The following ICE1 variants were observed in gnomAD, a reference collection of about 807,000 sequenced individuals.
The protein encoded by ICE1 is little elongation complex subunit 1.
A neutral mutation model predicts 192.7 loss-of-function variants in ICE1; 64 were observed. That is an observed-to-expected ratio of 0.33 (90% CI 0.27 to 0.41). The LOEUF is 0.41. Ranked by LOEUF, ICE1 falls within the 10% of genes least tolerant of loss-of-function variation. The probability of loss-of-function intolerance (pLI) is 1.00; values close to 1 mark genes in which losing one functional copy is unlikely to be tolerated. For synonymous variants in ICE1, 1,010 were observed against 984.5 expected (o/e 1.03, Z -0.49); for missense variants, 2,708 against 2,696.0 (o/e 1.00, Z -0.10).
intron 12 of ICE1, among the ~76,000 whole-genome samples, chr5:5,459,811 G>A (rs1561086903): frequency 6.6e-6 from 1 of 152,198 alleles, no homozygotes; most frequent in African/African-American, 2.4e-5. Context: ...CTCAAGAGGA[G>A]ACGAGTTGGG....
At position 5,461,764 on chromosome 5, in the gene ICE1, A is replaced by T; in HGVS notation, c.2430A>T (p.Glu810Asp). The T allele has an allele frequency of 6.2e-7, 1 of 1,613,932 alleles. No individual in the cohort carries two copies. The highest frequency in any genetic ancestry group is 1.1e-5 in the South Asian group (1 of 91,062). ...AAGAAAGTCTGAGAGCCAAATCAGAACATGAACAGAAGACTAGCCATCAGT... is the reference window on the plus strand; with the variant it reads ...AAGAAAGTCTGAGAGCCAAATCAGATCATGAACAGAAGACTAGCCATCAGT... ...GGEESLRAKS[E>D]HEQKTSHQLQ... The change falls in exon 13 of 19, where the codon GAA becomes GAT. Residue 810 changes from glutamate to aspartate, a missense_variant. Coordinates refer to ENST00000296564, the MANE Select transcript of ICE1 (RefSeq NM_015325.3).
At chr5:5,473,072 A>G (rs956050000) in intron 15 of ICE1, among the ~76,000 whole-genome samples, 4 of 152,256 alleles carry the variant, frequency 2.6e-5, no homozygotes, top group African/African-American at 9.6e-5. Flanking sequence ...ATGCAACACT[A>G]TGGATAAATA....
chr5:5,433,590 A>G (rs1256009707), intron 1 of ICE1, among the ~76,000 whole-genome samples: 1 of 152,212 alleles, frequency 6.6e-6, no homozygotes, highest in Non-Finnish European at 1.5e-5. Context: ...AGGGAGGGAA[A>G]TAAAAGCAAA....
At chr5:5,438,918 C>G (rs1314567371) in intron 3 of ICE1, among the ~76,000 whole-genome samples, 6 of 152,292 alleles carry the variant, frequency 3.9e-5, no homozygotes, top group Admixed American at 2.6e-4. Flanking sequence ...TGTTGTACCT[C>G]AAATATGCAG....
At chr5:5,436,271 T>C (rs530599390) in intron 1 of ICE1, 147 bp from the exon 2 acceptor site, 2 of 472,948 alleles carry the variant, frequency 4.2e-6, no homozygotes, top group Non-Finnish European at 7.4e-6. Context: ...TAGGCTCAGA[T>C]TGTGCTCTAC....
At chr5:5,425,239 C>G (rs570199334) in intron 1 of ICE1, among the ~76,000 whole-genome samples, 2 of 152,284 alleles carry the variant, frequency 1.3e-5, no homozygotes, top group African/African-American at 2.4e-5. Context: ...CTCCTTCCTT[C>G]TACCCTTGCC....
chr5:5,428,002 G>A (rs1737575882), intron 1 of ICE1, among the ~76,000 whole-genome samples: 1 of 152,210 alleles, frequency 6.6e-6, no homozygotes, highest in Non-Finnish European at 1.5e-5. Flanking sequence ...TCTGAAAGAT[G>A]ATTTGCAGTT....
At chr5:5,485,939 C>T (rs543102983) in intron 17 of ICE1, among the ~76,000 whole-genome samples, 4 of 152,270 alleles carry the variant, frequency 2.6e-5, no homozygotes, top group South Asian at 4.1e-4. Context: ...AAAAAATCTG[C>T]GTTGTTCCAG....
chr5:5,461,977 T>C lies in ICE1; in HGVS notation c.2643T>C (p.His881=), dbSNP rs761008117. The part of the protein sequence containing the change: ...QSAKLEHLRP[H]RVEPTLVTEN... ...CCAAATTGGAACACTTGAGGCCACA[T>C]AGGGTTGAGCCTACCTTAGTAACAG... Residue 881 remains histidine, a synonymous_variant, in exon 13 of 19, where the codon CAT becomes CAC. Transcript: ENST00000296564. 2.1e-5 allele frequency: 34 copies of C among 1,613,822 alleles called. No homozygotes were observed. Among genetic ancestry groups the C allele is most frequent in the Admixed American group, 3.3e-5 (2 of 60,014 alleles).
intron 12 of ICE1, among the ~76,000 whole-genome samples, chr5:5,458,835 C>A (rs1448584998): frequency 7.2e-5 from 11 of 152,142 alleles, no homozygotes; most frequent in Admixed American, 7.2e-4. Context: ...GACAAGACCA[C>A]AGGCAGGGTA....
Position 5,476,042 on chromosome 5 carries a change from T to A in ICE1, c.6483T>A (p.Thr2161=), listed in dbSNP as rs755238056. 6 of 1,609,714 alleles carry A rather than the reference T, an allele frequency of 3.7e-6. No homozygotes were observed. The South Asian group carries it at 5.5e-5, about 15-fold the overall frequency. ...AAGGACATGCAAACATTGCGTATAC[T>A]CCTGATATTATTATAGCCTCAATAC... ...YRKGHANIAY[T]PDIIIASILR... Residue 2161 remains threonine (T), a synonymous_variant, in exon 17 of 19, where the codon ACT becomes ACA. Coordinates refer to ENST00000296564, the MANE Select transcript of ICE1 (RefSeq NM_015325.3).
intron 17 of ICE1, among the ~76,000 whole-genome samples, chr5:5,484,939 G>A (rs1468988021): frequency 6.6e-6 from 1 of 152,120 alleles, no homozygotes; most frequent in Non-Finnish European, 1.5e-5. Context: ...AAGAAGATGA[G>A]GATTTGCCTG....
chr5:5,452,821 T>A (rs1201452877), intron 10 of ICE1, among the ~76,000 whole-genome samples: 1 of 152,060 alleles, frequency 6.6e-6, no homozygotes, highest in African/African-American at 2.4e-5. Context: ...GAAAATAAAT[T>A]AAATAAATAA....
chr5:5,423,039 CG>C, intron 1 of ICE1, 40 bp downstream of exon 1: 1 of 1,288,848 alleles, frequency 7.8e-7, no homozygotes, highest in Non-Finnish European at 9.9e-7. Context: ...GGGGGGGACT[CG>C]GCTCGGCCGG....
rs1389281634 is a variant in ICE1 at position 5,463,454 on chromosome 5, T to C, written c.4120T>C (p.Ser1374Pro). 3 of 1,612,926 alleles carry C rather than the reference T, an allele frequency of 1.9e-6. No homozygotes were observed. The highest frequency in any genetic ancestry group is 1.7e-6 in the Non-Finnish European group (2 of 1,179,398). ...ACCTGTGGAGCCATCAGCCTTGTGC[T>C]CTGACTCTGTGATGGAGCCATCCAT... The part of the protein sequence containing the change: ...PEPVEPSALC[S>P]DSVMEPSIEQ... The change falls in exon 13 of 19, where the codon TCT becomes CCT. Residue 1374 changes from serine to proline, a missense_variant. This residue lies in a region of ICE1 where 2,366 missense variants were observed against 2,276.6 expected (regional missense o/e 1.04). Coordinates refer to ENST00000296564, the MANE Select transcript of ICE1 (RefSeq NM_015325.3).
At chr5:5,465,760 C>T (rs146519284) in intron 13 of ICE1, among the ~76,000 whole-genome samples, 8 of 152,272 alleles carry the variant, frequency 5.3e-5, no homozygotes, top group African/African-American at 1.7e-4. Flanking sequence ...TCTGCAGACA[C>T]TTGGAGTCAT....
Position 5,422,890 on chromosome 5 carries a change from T to TGCCC in ICE1, c.-25_-22dup. The TGCCC allele has an allele frequency of 7.4e-7, 1 of 1,356,240 alleles. No individual in the cohort carries two copies. Among genetic ancestry groups the TGCCC allele is most frequent in the Admixed American group, 3.2e-5 (1 of 30,874 alleles). 84.0% of individuals were successfully genotyped at this position (1,356,240 alleles called of 1,614,324 possible). A position where few individuals can be genotyped will look rare whatever the true frequency, so the allele number is the denominator to read the frequency against. ...ACGCCGCGGGCCCCTGAGGCGTGCG[T>TGCCC]GCCCACCGGGCCCGGCGGCGGCACC... is the stretch of plus-strand genomic sequence containing the variant. On this transcript the variant is annotated 5_prime_UTR_variant, in exon 1 of 19. Transcript: ENST00000296564.
chr5:5,457,480 A>G lies in ICE1; in HGVS notation c.840A>G (p.Gln280=). The G allele has an allele frequency of 2.5e-6, 4 of 1,613,992 alleles. No individual in the cohort carries two copies. The highest frequency in any genetic ancestry group is 1.7e-6 in the Non-Finnish European group (2 of 1,179,884). Residue 280 remains glutamine (Q), a synonymous_variant, in exon 12 of 19, where the codon CAA becomes CAG. Coordinates refer to ENST00000296564, the MANE Select transcript of ICE1 (RefSeq NM_015325.3). ...AGATAAAGGAGGACTTTTTATGTCA[A>G]AATGTGGAAAAACAGAGCTCCAGTG... is the stretch of plus-strand genomic sequence containing the variant. ...SMEIKEDFLC[Q]NVEKQSSSGT...
In ICE1 at chr5:5,441,146, A is replaced by G. The variant is rs766514976; in HGVS notation, c.232A>G (p.Met78Val). The G allele has an allele frequency of 1.3e-6, 2 of 1,562,034 alleles. No individual in the cohort carries two copies. The highest frequency in any genetic ancestry group is 1.7e-6 in the Non-Finnish European group (2 of 1,151,470). The change falls in exon 5 of 19, where the codon ATG (methionine) becomes GTG (valine). Residue 78 changes from methionine (M) to valine (V), a missense_variant. Met to Val is a conservative substitution (Grantham distance 21). Around this residue, in one of 2 missense-constraint regions of ICE1, gnomAD observed 2,366 missense variants for 2,276.6 expected, o/e 1.04. Coordinates refer to ENST00000296564, the MANE Select transcript of ICE1 (RefSeq NM_015325.3). Reference sequence around the variant, plus strand: ...TAATCTGCATCACCAAGTGGAAGAGATGCTTCAAAAAATTTCTCCTCTACA... The same window carrying G: ...TAATCTGCATCACCAAGTGGAAGAGGTGCTTCAAAAAATTTCTCCTCTACA... ...NSNLHHQVEE[M>V]LQKISPLQKC... is the part of the protein sequence containing the mutation.
Sources: allele counts gnomAD v4.1 joint callset (sites outside exome capture counted in the v4.1 genomes callset), GRCh38; gene constraint gnomAD v4.1.1; regional missense constraint gnomAD v4.1.1; transcripts MANE v1.5; gene names NCBI Gene and HGNC (gene_info 2026-07-23, HGNC 2026-07-21).